The following CACNA2D2 variants were observed in gnomAD, a reference collection of about 807,000 sequenced individuals.
CACNA2D2 encodes calcium voltage-gated channel auxiliary subunit alpha2delta 2, also known as voltage-dependent calcium channel subunit alpha-2/delta-2.
A neutral mutation model predicts 166.4 loss-of-function variants in CACNA2D2; 48 were observed. The ratio of observed to expected loss-of-function variants is 0.29; its 90% CI spans 0.23 to 0.37. The LOEUF (loss-of-function observed/expected upper bound fraction) is 0.37, where lower values mean the gene tolerates loss of function less well. Ranked by LOEUF, CACNA2D2 falls within the 10% of genes least tolerant of loss-of-function variation. CACNA2D2 has a pLI of 1.00. For missense variants in CACNA2D2, 1,122 were observed against 1,433.0 expected (o/e 0.78, Z 3.50); for synonymous variants, 561 against 573.7 (o/e 0.98, Z 0.32).
At chr3:50,457,301 G>C (rs1709403602) in intron 2 of CACNA2D2, among the ~76,000 whole-genome samples, 2 of 152,102 alleles carry the variant, frequency 1.3e-5, no homozygotes, top group Admixed American at 6.5e-5. Flanking sequence ...CGACAGACTA[G>C]GCTCTGGCAG....
At chr3:50,415,937 G>A (rs1559926942) in intron 3 of CACNA2D2, 1 of 152,232 alleles carries the variant, frequency 6.6e-6, no homozygotes, top group Non-Finnish European at 1.5e-5. Flanking sequence ...TCCTCTGGAC[G>A]GACAATTAAT....
Position 50,362,971 on chromosome 3 carries a change from A to G in CACNA2D2, c.*1695T>C, listed in dbSNP as rs987200248. The G allele has an allele frequency of 3.3e-4, 131 of 397,500 alleles. No homozygotes were observed. The highest frequency in any genetic ancestry group is 5.0e-4 in the Non-Finnish European group (113 of 225,870). 24.6% of individuals were successfully genotyped at this position (397,500 alleles called of 1,614,324 possible). On this transcript the variant is annotated 3_prime_UTR_variant, in exon 38 of 38. Coordinates refer to ENST00000424201, the MANE Select transcript of CACNA2D2 (RefSeq NM_006030.4). ...ATAGAACAACAAAAAAAGGGCAGAG[A>G]AAAGGAAATGGCCCCCCAGTCCCCC...
chr3:50,445,455 C>T (rs928318836), intron 2 of CACNA2D2, among the ~76,000 whole-genome samples: 2 of 152,234 alleles, frequency 1.3e-5, no homozygotes, highest in African/African-American at 4.8e-5. Flanking sequence ...CCTCCTCTGT[C>T]AGCACCTCCT....
chr3:50,388,714 TC>T (rs1467856185), intron 4 of CACNA2D2, among the ~76,000 whole-genome samples: 1 of 152,124 alleles, frequency 6.6e-6, no homozygotes, highest in Non-Finnish European at 1.5e-5. Context: ...AGCCCCAGGC[TC>T]CCCCAGGCAG....
In CACNA2D2 at chr3:50,380,834, T is replaced by C. The variant is rs1458797102; in HGVS notation, c.785-29A>G. The stretch of plus-strand genomic sequence containing the variant: ...AGGGAGGAGAGAAGGTGAGGGGGAC[T>C]GGCAGGAAAGGGCTGGCCTGGGTAG... On this transcript the variant is annotated intron_variant, in intron 7 of 37. Coordinates refer to ENST00000424201, the MANE Select transcript of CACNA2D2 (RefSeq NM_006030.4). This position sits in a 1 kb window ranked among gnomAD's most constrained non-coding sequence, Gnocchi z 4.9. The C allele has an allele frequency of 6.5e-7, 1 of 1,540,078 alleles. No individual in the cohort carries two copies. Among genetic ancestry groups the C allele is most frequent in the African/African-American group, 1.4e-5 (1 of 72,510 alleles).
At chr3:50,448,804 G>T (rs1316334541) in intron 2 of CACNA2D2, among the ~76,000 whole-genome samples, 1 of 152,092 alleles carries the variant, frequency 6.6e-6, no homozygotes, top group African/African-American at 2.4e-5. Flanking sequence ...CATCCCTAGA[G>T]CCAGGCCACC....
chr3:50,400,211 G>A (rs1706378062), intron 3 of CACNA2D2, among the ~76,000 whole-genome samples: 1 of 152,224 alleles, frequency 6.6e-6, no homozygotes, highest in Admixed American at 6.5e-5. Context: ...TCTGCCAGGG[G>A]GGAGCTGGAG....
At chr3:50,382,021 CAA>C (rs1491350680) in intron 6 of CACNA2D2, among the ~76,000 whole-genome samples, 2 of 140,764 alleles carry the variant, frequency 1.4e-5, no homozygotes, top group African/African-American at 2.6e-5. Context: ...CACACACACA[CAA>C]ACAAGGCTCC....
In CACNA2D2 at chr3:50,367,989, G is replaced by T; in HGVS notation, c.2144-87C>A. 1 of 1,201,180 alleles carries T rather than the reference G, an allele frequency of 8.3e-7. No homozygotes were observed. Among genetic ancestry groups the T allele is most frequent in the Non-Finnish European group, 1.2e-6 (1 of 816,928 alleles). The allele number at this position is 1,201,180 out of a possible 1,614,324, so 74.4% of individuals were successfully genotyped here. ...ACCCCCACCCTTAAGGCTCCACCAG[G>T]AGCCTCCTCCATGACCTGGCCCTGG... On this transcript the variant is annotated intron_variant, in intron 24 of 37. Coordinates refer to ENST00000424201, the MANE Select transcript of CACNA2D2 (RefSeq NM_006030.4). The surrounding 1 kb of genome is among the most constrained non-coding windows in gnomAD (Gnocchi z 6.5).
At chr3:50,418,239 ATG>A (rs1305643404) in intron 3 of CACNA2D2, among the ~76,000 whole-genome samples, 1 of 152,138 alleles carries the variant, frequency 6.6e-6, no homozygotes, top group Non-Finnish European at 1.5e-5. Flanking sequence ...GGTGCTCAAC[ATG>A]TGTCTGTAAA....
intron 1 of CACNA2D2, among the ~76,000 whole-genome samples, chr3:50,491,021 C>T (rs550745609): frequency 2.0e-5 from 3 of 152,336 alleles, no homozygotes; most frequent in Admixed American, 1.3e-4. Flanking sequence ...AACCTCTCCC[C>T]AGCTTCCTCC....
At chr3:50,445,436 T>A (rs1171650345) in intron 2 of CACNA2D2, among the ~76,000 whole-genome samples, 3 of 152,190 alleles carry the variant, frequency 2.0e-5, no homozygotes, top group Non-Finnish European at 4.4e-5. Context: ...GCCTGGGCCA[T>A]CTCATTTACC....
intron 3 of CACNA2D2, among the ~76,000 whole-genome samples, chr3:50,399,207 C>T (rs982833228): frequency 8.5e-5 from 13 of 152,246 alleles, no homozygotes; most frequent in Non-Finnish European, 1.8e-4. Context: ...CTCCTCTCCT[C>T]ACCAGCCCTC....
Position 50,384,290 on chromosome 3 carries a change from G to C in CACNA2D2, c.558C>G (p.Thr186=). Residue 186 remains threonine (T), a synonymous_variant, in exon 6 of 38, where the codon ACC becomes ACG. Coordinates refer to ENST00000424201, the MANE Select transcript of CACNA2D2 (RefSeq NM_006030.4). ...EDVERGSKAS[T]LRLDFIEDPN... ...GGTCCTCGATGAAGTCCAGCCTTAG[G>C]GTGCTGGCCTTAGACCCCCTTTCCA... 6.2e-7 allele frequency: 1 copy of C among 1,614,160 alleles called. No individual in the cohort carries two copies. The highest frequency in any genetic ancestry group is 8.5e-7 in the Non-Finnish European group (1 of 1,179,998).
chr3:50,407,061 GTA>G (rs1405297988), intron 3 of CACNA2D2, among the ~76,000 whole-genome samples: 1 of 151,776 alleles, frequency 6.6e-6, no homozygotes, highest in African/African-American at 2.4e-5. Context: ...CTTGATCTAG[GTA>G]TCTGTGACCT....
chr3:50,452,852 G>A (rs1031076041), intron 2 of CACNA2D2, among the ~76,000 whole-genome samples: 1 of 152,166 alleles, frequency 6.6e-6, no homozygotes, highest in African/African-American at 2.4e-5. Context: ...GCAAAGAAGT[G>A]GGGCCCTGCA....
Position 50,503,531 on chromosome 3 carries a change from C to G in CACNA2D2, c.-108G>C, listed in dbSNP as rs1335312549. 1 of 168,042 alleles carries G rather than the reference C, an allele frequency of 6.0e-6. No individual in the cohort carries two copies. The highest frequency in any genetic ancestry group is 1.7e-4 in the East Asian group (1 of 5,728). The allele number at this position is 168,042 out of a possible 1,614,324, so 10.4% of individuals were successfully genotyped here. ...GGCGGGCGGTAACTCGGCCTCTCCT[C>G]CGCCGCCGCCTTCTCCGCGAGGGGC... On this transcript the variant is annotated 5_prime_UTR_variant, in exon 1 of 38. Coordinates refer to ENST00000424201, the MANE Select transcript of CACNA2D2 (RefSeq NM_006030.4).
chr3:50,404,327 C>A (rs1706588478), intron 3 of CACNA2D2, among the ~76,000 whole-genome samples: 1 of 152,210 alleles, frequency 6.6e-6, no homozygotes, highest in Admixed American at 6.5e-5. Context: ...AGGACCACAA[C>A]TCCACTCTGG....
chr3:50,467,508 C>T (rs1709873006), intron 2 of CACNA2D2, among the ~76,000 whole-genome samples: 1 of 152,188 alleles, frequency 6.6e-6, no homozygotes, highest in Non-Finnish European at 1.5e-5. Context: ...CTGGGCACCT[C>T]CTCCATGTCA....
Sources: allele counts gnomAD v4.1 joint callset (sites outside exome capture counted in the v4.1 genomes callset), GRCh38; gene constraint gnomAD v4.1.1; non-coding constraint Gnocchi (gnomAD v3.1); transcripts MANE v1.5; gene names NCBI Gene and HGNC (gene_info 2026-07-23, HGNC 2026-07-21).